The following SLC6A5 variants were observed in gnomAD, a reference collection of about 807,000 sequenced individuals.
SLC6A5 encodes the protein solute carrier family 6 member 5.
Under a neutral mutation model 90.5 loss-of-function variants are expected in SLC6A5, and 58 were observed. The ratio of observed to expected loss-of-function variants is 0.64; its 90% confidence interval spans 0.52 to 0.80. The LOEUF is 0.80. Ranked by LOEUF, SLC6A5 falls within the 30% of genes least tolerant of loss-of-function variation. The pLI is 0.00. For synonymous variants in SLC6A5, 427 were observed against 401.4 expected (o/e 1.06, Z -0.76); for missense variants, 1,015 against 1,017.6 (o/e 1.00, Z 0.03).
At chr11:20,604,456 G>T (rs201163583) in intron 3 of SLC6A5, 32 bp downstream of exon 3, 18 of 1,608,368 alleles carry the variant, frequency 1.1e-5, no homozygotes, top group Non-Finnish European at 1.5e-5. Flanking sequence ...CGCCTGCGGC[G>T]GGGCGGGGCG....
rs180684893 is a variant in SLC6A5, at chr11:20,640,656, G to A, written c.1969+2098G>A. On this transcript the variant is annotated intron_variant, in intron 13 of 15. Coordinates refer to ENST00000525748, the MANE Select transcript of SLC6A5 (RefSeq NM_004211.5). ...GGATCTGGATGGAATTCTAAGAAGT[G>A]AATCTCAGGAAGAAAAATAAGCTAA... is the stretch of plus-strand genomic sequence containing the variant. Among the ~76,000 whole-genome samples, 467 of 150,820 alleles carry A rather than the reference G, an allele frequency of 3.1e-3. 3 individuals carry two copies. Among genetic ancestry groups the A allele is most frequent in the African/African-American group, 0.011 (451 of 40,966 alleles).
intron 3 of SLC6A5, 56 bp from the exon 4 acceptor site, chr11:20,606,951 A>T: frequency 1.9e-6 from 3 of 1,611,950 alleles, no homozygotes; most frequent in Non-Finnish European, 2.5e-6. Context: ...AGGGTTAAGG[A>T]GGGCAGCAGC....
chr11:20,636,213 A>C, intron 10 of SLC6A5, 94 bp from the exon 11 acceptor site: 1 of 771,522 alleles, frequency 1.3e-6, no homozygotes, highest in Non-Finnish European at 2.4e-6. Context: ...AGAAGTAATA[A>C]ATGAGGATCT....
intron 5 of SLC6A5, among the ~76,000 whole-genome samples, chr11:20,609,623 C>T (rs1590158373): frequency 6.6e-6 from 1 of 152,246 alleles, no homozygotes; most frequent in East Asian, 1.9e-4. Flanking sequence ...GCCTTCCAGT[C>T]TCACCTTCTC....
chr11:20,611,536 C>T (rs1852692878), intron 5 of SLC6A5, among the ~76,000 whole-genome samples: 1 of 152,140 alleles, frequency 6.6e-6, no homozygotes, highest in South Asian at 2.1e-4. Context: ...ATCTCTCTGT[C>T]CCAGGACTTC....
intron 14 of SLC6A5, among the ~76,000 whole-genome samples, chr11:20,651,941 ACTC>A: frequency 6.6e-6 from 1 of 151,278 alleles, no homozygotes; most frequent in South Asian, 2.1e-4. Context: ...AATACAGAGA[ACTC>A]CTTAAAAACA....
intron 7 of SLC6A5, among the ~76,000 whole-genome samples, chr11:20,624,970 A>G (rs565892712): frequency 1.3e-5 from 2 of 152,274 alleles, no homozygotes; most frequent in African/African-American, 4.8e-5. Context: ...GCCACTTTGC[A>G]GGTGTGGACA....
In SLC6A5 at chr11:20,652,524, A is replaced by G; in HGVS notation, c.2238+68A>G. ...AAAGCCCATAAAAGCTCTGCATGTT[A>G]AAAAACAAAAGATTCGGTAAACTTA... On this transcript the variant is annotated intron_variant, in intron 15 of 15. Coordinates refer to ENST00000525748, the MANE Select transcript of SLC6A5 (RefSeq NM_004211.5). 4 of 1,449,066 alleles carry G rather than the reference A, an allele frequency of 2.8e-6. No individual in the cohort carries two copies. In the South Asian group the frequency reaches 4.6e-5, roughly 17 times the overall value. The allele number at this position is 1,449,066 out of a possible 1,614,324, so 89.8% of individuals were successfully genotyped here.
intron 8 of SLC6A5, among the ~76,000 whole-genome samples, chr11:20,627,376 T>G (rs746897746): frequency 1.3e-5 from 2 of 152,196 alleles, no homozygotes; most frequent in Non-Finnish European, 2.9e-5. Context: ...GGGTGATTGT[T>G]GAAGGGGAAC....
intron 7 of SLC6A5, among the ~76,000 whole-genome samples, chr11:20,623,731 TC>T (rs1254630684): frequency 6.6e-6 from 1 of 152,010 alleles, no homozygotes; most frequent in Non-Finnish European, 1.5e-5. Flanking sequence ...TCTTTGCTGT[TC>T]CTAGGAGCCA....
Position 20,633,670 on chromosome 11 carries a change from A to G in SLC6A5, c.1625-2637A>G, listed in dbSNP as rs80309209. On this transcript the variant is annotated intron_variant, in intron 10 of 15. Coordinates refer to ENST00000525748, the MANE Select transcript of SLC6A5 (RefSeq NM_004211.5). Reference sequence around the variant, plus strand: ...GATCCCTTCTCATAAGAAGACTAATAATGGTCTATGTTTTCTGAGTTCATA... The same window carrying G: ...GATCCCTTCTCATAAGAAGACTAATGATGGTCTATGTTTTCTGAGTTCATA... 0.031 allele frequency among the ~76,000 whole-genome samples: 4,705 copies of G among 152,194 alleles called. 483 individuals are homozygous for G. In the East Asian group the frequency reaches 0.38, roughly 12 times the overall value.
chr11:20,637,035 C>T (rs940355972), intron 11 of SLC6A5, 137 bp from the exon 12 acceptor site: 7 of 877,572 alleles, frequency 8.0e-6, no homozygotes, highest in Non-Finnish European at 1.3e-5. Flanking sequence ...GCTTTTTAGA[C>T]CCATTGAGGG....
At chr11:20,643,809 C>T (rs146305151) in intron 13 of SLC6A5, among the ~76,000 whole-genome samples, 203 of 152,222 alleles carry the variant, frequency 1.3e-3, no homozygotes, top group African/African-American at 4.6e-3. Flanking sequence ...ACAACAGTCC[C>T]GAGGCTTGGC....
chr11:20,653,937 A>G (rs898402547), intron 15 of SLC6A5, among the ~76,000 whole-genome samples: 3 of 152,242 alleles, frequency 2.0e-5, no homozygotes, highest in Non-Finnish European at 4.4e-5. Context: ...TTAAGGAGAG[A>G]TTAAACTAAC....
At chr11:20,617,176 G>A (rs1399073830) in intron 6 of SLC6A5, among the ~76,000 whole-genome samples, 1 of 152,196 alleles carries the variant, frequency 6.6e-6, no homozygotes, top group Non-Finnish European at 1.5e-5. Context: ...ATCTGTCTTA[G>A]AATGTTTTGC....
At chr11:20,635,415 C>T (rs1021887908) in intron 10 of SLC6A5, among the ~76,000 whole-genome samples, 9 of 152,106 alleles carry the variant, frequency 5.9e-5, no homozygotes, top group Non-Finnish European at 5.9e-5. Flanking sequence ...CCCCGCAACC[C>T]GACTAACTAC....
chr11:20,623,002 G>A (rs554688104), intron 7 of SLC6A5, among the ~76,000 whole-genome samples: 2 of 152,180 alleles, frequency 1.3e-5, no homozygotes, highest in Non-Finnish European at 2.9e-5. Flanking sequence ...ACATCCACGT[G>A]TGGAAGGGCT....
intron 7 of SLC6A5, among the ~76,000 whole-genome samples, chr11:20,619,286 A>C (rs533487042): frequency 9.2e-5 from 14 of 152,338 alleles, no homozygotes; most frequent in Admixed American, 7.2e-4. Flanking sequence ...TTAGGCACGC[A>C]ATCCCAGCAT....
At position 20,646,907 on chromosome 11, in the gene SLC6A5, G is replaced by T; in HGVS notation, c.2043G>T (p.Trp681Cys). 1 of 1,613,280 alleles carries T rather than the reference G, an allele frequency of 6.2e-7. No individual in the cohort carries two copies. Among genetic ancestry groups the T allele is most frequent in the Non-Finnish European group, 8.5e-7 (1 of 1,179,346 alleles). ...FQPNIFWKVC[W>C]AFVTPTILTF... ...CTAACATCTTCTGGAAAGTCTGCTGGGCATTTGTAACCCCAACCATTTTAA... is the reference window on the plus strand; with the variant it reads ...CTAACATCTTCTGGAAAGTCTGCTGTGCATTTGTAACCCCAACCATTTTAA... Residue 681 changes from tryptophan (W) to cysteine (C), a missense_variant, in exon 14 of 16, where the codon TGG becomes TGT. By Grantham distance (215) the Trp-to-Cys change is radical. Transcript: ENST00000525748.
Sources: allele counts gnomAD v4.1 joint callset (sites outside exome capture counted in the v4.1 genomes callset), GRCh38; gene constraint gnomAD v4.1.1; transcripts MANE v1.5; gene names NCBI Gene and HGNC (gene_info 2026-07-23, HGNC 2026-07-21).